COX10: variants seen among roughly 807,000 people sequenced by gnomAD.
COX10 encodes cytochrome c oxidase assembly factor heme A:farnesyltransferase COX10.
In COX10, 27 loss-of-function variants were observed where a neutral mutation model predicts 37.3. The observed-to-expected ratio is 0.72, with a 90% CI of 0.53 to 1.00. The LOEUF is 1.00. Ranked by LOEUF, COX10 falls within the 50% of genes least tolerant of loss-of-function variation. The pLI, the probability that COX10 is intolerant of heterozygous loss-of-function variation, is 0.00. For missense variants in COX10, 475 were observed against 563.2 expected (o/e 0.84, Z 1.59); for synonymous variants, 222 against 229.1 (o/e 0.97, Z 0.28).
rs1038736570 is a variant in COX10, at chr17:14,094,422, C to T, written c.500-7696C>T. ...AAAAAGAAAGGGTTAAAAAATTAAA[C>T]ATAAGTGAAAGTTCTCCTGTTTTCT... On this transcript the variant is annotated intron_variant, in intron 3 of 6. Transcript: ENST00000261643. Among the ~76,000 whole-genome samples, 117 of 152,030 alleles carry T rather than the reference C, an allele frequency of 7.7e-4. 1 individual carries two copies. Among genetic ancestry groups the T allele is most frequent in the African/African-American group, 2.6e-3 (109 of 41,500 alleles).
At chr17:14,197,771 C>T (rs1333513171) in intron 6 of COX10, among the ~76,000 whole-genome samples, 3 of 152,228 alleles carry the variant, frequency 2.0e-5, no homozygotes, top group East Asian at 1.9e-4. Context: ...TGCCGCAAAG[C>T]ATGGGCCCAG....
intron 4 of COX10, among the ~76,000 whole-genome samples, chr17:14,153,922 A>G (rs1039940512): frequency 2.6e-5 from 4 of 152,264 alleles, no homozygotes; most frequent in African/African-American, 9.6e-5. Context: ...CGATACTACC[A>G]TATAATTGAA....
In COX10 at chr17:14,069,594, G is replaced by A. The variant is rs376138875; in HGVS notation, c.-12G>A. On this transcript the variant is annotated 5_prime_UTR_variant, in exon 1 of 7. Coordinates refer to ENST00000261643, the MANE Select transcript of COX10 (RefSeq NM_001303.4). Reference sequence around the variant, plus strand: ...ACAGGGATCCCGGGGAGCGGCCCCAGACTCGTAAATTATGGCCGCATCTCC... The same window carrying A: ...ACAGGGATCCCGGGGAGCGGCCCCAAACTCGTAAATTATGGCCGCATCTCC... 3.7e-6 allele frequency: 6 copies of A among 1,613,910 alleles called. No homozygotes were observed. Among genetic ancestry groups the A allele is most frequent in the Admixed American group, 1.7e-5 (1 of 60,002 alleles).
rs1426547723 is a variant in COX10 at position 14,069,622 on chromosome 17, A to T, written c.17A>T (p.His6Leu). The change falls in exon 1 of 7, where the codon CAC (histidine) becomes CTC (leucine). Residue 6 changes from histidine (H) to leucine (L), a missense_variant. Physicochemically the swap from His to Leu is moderately conservative, Grantham distance 99 (BLOSUM62 -3). This residue lies in a region of COX10 where 242 missense variants were observed against 242.5 expected (regional missense o/e 1.00). Coordinates refer to ENST00000261643, the MANE Select transcript of COX10 (RefSeq NM_001303.4). MAASPHTLSSRLLTGC... is the reference protein window; with the variant it reads MAASPLTLSSRLLTGC... Reference sequence around the variant, plus strand: ...TCGTAAATTATGGCCGCATCTCCGCACACTCTCTCCTCACGCCTCCTGACA... The same window carrying T: ...TCGTAAATTATGGCCGCATCTCCGCTCACTCTCTCCTCACGCCTCCTGACA... The T allele has an allele frequency of 6.2e-7, 1 of 1,614,014 alleles. No homozygotes were observed.
intron 1 of COX10, among the ~76,000 whole-genome samples, chr17:14,074,105 C>T (rs969532025): frequency 5.3e-5 from 8 of 151,792 alleles, no homozygotes; most frequent in African/African-American, 2.4e-5. Context: ...TGAAAATTTT[C>T]CCTGGCCCTT....
intron 6 of COX10, among the ~76,000 whole-genome samples, chr17:14,205,947 G>T (rs964535837): frequency 6.6e-6 from 1 of 152,126 alleles, no homozygotes; most frequent in East Asian, 1.9e-4. Flanking sequence ...TGGTGCTCAG[G>T]GTGTTATGTC....
chr17:14,145,774 T>C (rs1445122786), intron 4 of COX10, among the ~76,000 whole-genome samples: 1 of 151,926 alleles, frequency 6.6e-6, no homozygotes, highest in African/African-American at 2.4e-5. Context: ...ATACTGGAGG[T>C]AGGGGAAGTA....
intron 4 of COX10, among the ~76,000 whole-genome samples, chr17:14,144,812 T>G (rs1232256430): frequency 5.9e-5 from 9 of 152,084 alleles, no homozygotes; most frequent in Non-Finnish European, 1.3e-4. Flanking sequence ...TTTCTTTTTT[T>G]TCTTTTTCTC....
intron 5 of COX10, among the ~76,000 whole-genome samples, chr17:14,162,586 G>A (rs1376234109): frequency 2.7e-5 from 4 of 149,826 alleles, no homozygotes; most frequent in South Asian, 2.1e-4. Context: ...CATGTTTTAC[G>A]TTGGCTAATG....
chr17:14,125,350 T>C (rs3785682), intron 4 of COX10, among the ~76,000 whole-genome samples: 136,078 of 152,230 alleles, frequency 0.89, 61,184 homozygotes, highest in Non-Finnish European at 0.94. Context: ...GGTTGTTATT[T>C]GTAATGTTTA....
At chr17:14,177,188 A>T (rs1362430691) in intron 5 of COX10, 1 of 699,818 alleles carries the variant, frequency 1.4e-6, no homozygotes, top group East Asian at 2.6e-5. Flanking sequence ...CGTCTTCTTC[A>T]TCTGGTTGCC....
At chr17:14,201,015 G>A (rs935152343) in intron 6 of COX10, among the ~76,000 whole-genome samples, 4 of 152,282 alleles carry the variant, frequency 2.6e-5, no homozygotes, top group South Asian at 2.1e-4. Flanking sequence ...GGCCAGACAC[G>A]AGCAGAGGAC....
chr17:14,083,380 C>G (rs1915341297), intron 3 of COX10, among the ~76,000 whole-genome samples: 1 of 152,208 alleles, frequency 6.6e-6, no homozygotes, highest in African/African-American at 2.4e-5. Context: ...TACCTGATAT[C>G]TGTCCATTGA....
rs141025653 is a variant in COX10, at chr17:14,150,430, A to G, written c.625-9447A>G. On this transcript the variant is annotated intron_variant, in intron 4 of 6. Coordinates refer to ENST00000261643, the MANE Select transcript of COX10 (RefSeq NM_001303.4). ...AAGGTGTTATTCCTTTCCGTGCAAT[A>G]TTAATGTTTGAAATGTTCACAGTCT... Among the ~76,000 whole-genome samples, 579 of 152,320 alleles carry G rather than the reference A, an allele frequency of 3.8e-3. 17 individuals are homozygous for G. The highest frequency in any genetic ancestry group is 0.032 in the Admixed American group (496 of 15,296).
chr17:14,149,792 C>T (rs868279581), intron 4 of COX10, among the ~76,000 whole-genome samples: 46 of 152,072 alleles, frequency 3.0e-4, no homozygotes, highest in African/African-American at 1.1e-3. Flanking sequence ...AGGTACAACC[C>T]TGTTATAAGC....
chr17:14,183,274 G>T (rs887753065), intron 5 of COX10, among the ~76,000 whole-genome samples: 2 of 151,714 alleles, frequency 1.3e-5, no homozygotes, highest in Non-Finnish European at 2.9e-5. Flanking sequence ...ATTTGCATGC[G>T]TGAGTGAATG....
intron 3 of COX10, among the ~76,000 whole-genome samples, chr17:14,080,160 T>C (rs2142184662): frequency 6.6e-6 from 1 of 152,066 alleles, no homozygotes; most frequent in Non-Finnish European, 1.5e-5. Context: ...AACAAATTTG[T>C]TTCTAAAAAG....
chr17:14,078,171 T>G (rs1273877559), intron 3 of COX10, among the ~76,000 whole-genome samples: 1 of 152,158 alleles, frequency 6.6e-6, no homozygotes, highest in Non-Finnish European at 1.5e-5. Context: ...TGGTTTATGG[T>G]CACTAAGCAA....
chr17:14,191,712 G>C (rs1906205477), intron 5 of COX10, among the ~76,000 whole-genome samples: 1 of 152,190 alleles, frequency 6.6e-6, no homozygotes, highest in African/African-American at 2.4e-5. Context: ...GGAAGGGACA[G>C]AACCTATATG....
Sources: gnomAD v4.1 joint callset for allele counts (sites outside exome capture counted in the v4.1 genomes callset) on GRCh38, gnomAD v4.1.1 for gene constraint, gnomAD v4.1.1 regional missense constraint, MANE v1.5 for transcripts, NCBI Gene and HGNC (gene_info 2026-07-23, HGNC 2026-07-21) for gene names.